PXMP2: variants seen among roughly 807,000 people sequenced by gnomAD.
PXMP2 encodes 22 kDa peroxisomal membrane protein.
Under a neutral mutation model 20.2 loss-of-function variants are expected in PXMP2, and 13 were observed. The ratio of observed to expected loss-of-function variants is 0.64; its 90% CI spans 0.42 to 1.02. PXMP2 has a LOEUF of 1.02. Ranked by LOEUF, PXMP2 falls within the 50% of genes least tolerant of loss-of-function variation. The pLI is 0.00. For synonymous variants in PXMP2, 113 were observed against 111.2 expected (o/e 1.02, Z -0.10); for missense variants, 284 against 251.8 (o/e 1.13, Z -0.87).
chr12:132,698,458 C>G (rs10870492), intron 3 of PXMP2, among the ~76,000 whole-genome samples: 1 of 151,850 alleles, frequency 6.6e-6, no homozygotes, highest in Non-Finnish European at 1.5e-5. Context: ...TGCTTTCCTC[C>G]GGTATTCTTA....
At chr12:132,692,649 G>C (rs867670536) in intron 2 of PXMP2, among the ~76,000 whole-genome samples, 544 of 114,002 alleles carry the variant, frequency 4.8e-3, no homozygotes, top group Middle Eastern at 9.8e-3. Flanking sequence ...CCCTTAGCCA[G>C]TTAGTTAGTG....
At chr12:132,700,988 A>G (rs2043436427) in intron 3 of PXMP2, among the ~76,000 whole-genome samples, 1 of 151,976 alleles carries the variant, frequency 6.6e-6, no homozygotes, top group African/African-American at 2.4e-5. Flanking sequence ...CACCTCCTCC[A>G]GTTGTCCGCA....
chr12:132,698,007 G>A (rs1443833486), intron 3 of PXMP2, among the ~76,000 whole-genome samples: 1 of 148,958 alleles, frequency 6.7e-6, no homozygotes, highest in African/African-American at 2.5e-5. Context: ...TCTGAGACGT[G>A]TCACCTTTTT....
chr12:132,697,491 T>A (rs2043416930), intron 3 of PXMP2, among the ~76,000 whole-genome samples: 1 of 151,942 alleles, frequency 6.6e-6, no homozygotes, highest in African/African-American at 2.4e-5. Context: ...CACTGCAACC[T>A]CTGCCTCCCG....
intron 2 of PXMP2, among the ~76,000 whole-genome samples, chr12:132,693,269 CAGTT>C (rs901704412): frequency 4.5e-5 from 3 of 67,166 alleles, no homozygotes; most frequent in African/African-American, 1.5e-4. Flanking sequence ...GTGCCCTTGC[CAGTT>C]AGTTAAGTGA....
At chr12:132,700,076 G>C (rs1242915648) in intron 3 of PXMP2, among the ~76,000 whole-genome samples, 1 of 137,924 alleles carries the variant, frequency 7.3e-6, no homozygotes, top group African/African-American at 2.7e-5. Context: ...GAGTTTCACT[G>C]TGTCAGCCAG....
At chr12:132,693,766 T>A (rs2043388556) in intron 2 of PXMP2, among the ~76,000 whole-genome samples, 2 of 132,044 alleles carry the variant, frequency 1.5e-5, no homozygotes, top group South Asian at 2.6e-4. Flanking sequence ...AGCCAGTTAG[T>A]TAGTGAGCGC....
chr12:132,695,826 C>T (rs1435567961), intron 2 of PXMP2, 58 bp from the exon 3 acceptor site: 2 of 1,531,612 alleles, frequency 1.3e-6, no homozygotes, highest in Admixed American at 3.9e-5. Context: ...TGAAGCTAGA[C>T]CAGAGAAGAG....
intron 3 of PXMP2, among the ~76,000 whole-genome samples, chr12:132,698,861 A>G (rs908488757): frequency 6.6e-6 from 1 of 152,166 alleles, no homozygotes; most frequent in Non-Finnish European, 1.5e-5. Context: ...TCCTGGCCTC[A>G]AGTGATATGC....
chr12:132,693,568 C>T (rs1274304278), intron 2 of PXMP2, among the ~76,000 whole-genome samples: 2 of 82,160 alleles, frequency 2.4e-5, no homozygotes, highest in South Asian at 4.8e-4. Context: ...AGTTAGTGAG[C>T]GCCCTTGCCA....
intron 3 of PXMP2, among the ~76,000 whole-genome samples, chr12:132,698,187 T>G (rs1433901345): frequency 1.3e-5 from 2 of 152,012 alleles, no homozygotes. Flanking sequence ...TTGTTTTGTG[T>G]TTTTAGTAGA....
In PXMP2 at chr12:132,693,612, C is replaced by T. The variant is rs1460630912; in HGVS notation, c.237-2272C>T. 5.7e-5 allele frequency among the ~76,000 whole-genome samples: 4 copies of T among 70,060 alleles called. 1 individual carries two copies. Among genetic ancestry groups the T allele is most frequent in the Admixed American group, 2.8e-4 (2 of 7,110 alleles). The allele number at this position is 70,060 out of a possible 152,430, so 46.0% of individuals were successfully genotyped here. Reference sequence around the variant, plus strand: ...GCGCCCTTGCCAGTTAGTTAGTGAGCGCCCTTGCCAGTCAGTGAGCGCCCT... The same window carrying T: ...GCGCCCTTGCCAGTTAGTTAGTGAGTGCCCTTGCCAGTCAGTGAGCGCCCT... On this transcript the variant is annotated intron_variant, in intron 2 of 4. Transcript: ENST00000317479.
At chr12:132,703,009 TAAA>T (rs1337169696) in intron 4 of PXMP2, among the ~76,000 whole-genome samples, 1 of 152,124 alleles carries the variant, frequency 6.6e-6, no homozygotes, top group Non-Finnish European at 1.5e-5. Context: ...TAAAGCAAAA[TAAA>T]AAAATTTCCT....
rs200527628 is a variant in PXMP2 at position 132,694,475 on chromosome 12, TA to T, written c.237-1408del. 4.4e-3 allele frequency among the ~76,000 whole-genome samples: 313 copies of T among 71,718 alleles called. 5 individuals are homozygous for T. Among genetic ancestry groups the T allele is most frequent in the Middle Eastern group, 0.017 (2 of 118 alleles). 47.0% of individuals were successfully genotyped at this position (71,718 alleles called of 152,430 possible). On this transcript the variant is annotated intron_variant, in intron 2 of 4. Transcript: ENST00000317479. Reference sequence around the variant, plus strand: ...CCCTTAGCCAGTTAGTGAGCTCCCTTAGCCAGTTAGTTAGTGAGCGCCCTTG... The same window carrying T: ...CCCTTAGCCAGTTAGTGAGCTCCCTTGCCAGTTAGTTAGTGAGCGCCCTTG...
chr12:132,693,046 G>C lies in PXMP2; in HGVS notation c.236+2670G>C, dbSNP rs1325728246. 6.1e-4 allele frequency among the ~76,000 whole-genome samples: 33 copies of C among 54,278 alleles called. 1 individual carries two copies. The highest frequency in any genetic ancestry group is 2.1e-3 in the African/African-American group (32 of 15,242). 35.6% of individuals were successfully genotyped at this position (54,278 alleles called of 152,430 possible). Reference sequence around the variant, plus strand: ...TTAAGTGAGCGCCCTTAGCCAGTTAGATAGTGAGCGCCCTTAGCCAGTTAG... The same window carrying C: ...TTAAGTGAGCGCCCTTAGCCAGTTACATAGTGAGCGCCCTTAGCCAGTTAG... On this transcript the variant is annotated intron_variant, in intron 2 of 4. Coordinates refer to ENST00000317479, the MANE Select transcript of PXMP2 (RefSeq NM_018663.3).
chr12:132,701,420 C>A, intron 4 of PXMP2, 51 bp downstream of exon 4: 1 of 1,539,572 alleles, frequency 6.5e-7, no homozygotes, highest in South Asian at 1.2e-5. Context: ...TCAGCCTTTT[C>A]CTTCCTTCCT....
intron 4 of PXMP2, among the ~76,000 whole-genome samples, chr12:132,703,524 GGAGA>G (rs772965216): frequency 1.3e-5 from 2 of 152,186 alleles, no homozygotes; most frequent in Admixed American, 6.6e-5. Flanking sequence ...TGATGAGAGA[GGAGA>G]GAGAAAGTGA....
intron 4 of PXMP2, among the ~76,000 whole-genome samples, chr12:132,704,100 G>A (rs900779420): frequency 2.0e-5 from 3 of 152,178 alleles, no homozygotes; most frequent in Non-Finnish European, 4.4e-5. Context: ...CAGACACATG[G>A]GCTGCTACTT....
Position 132,701,299 on chromosome 12 carries a change from C to T in PXMP2, c.449C>T (p.Pro150Leu), listed in dbSNP as rs746375161. Residue 150 changes from proline (P) to leucine (L), a missense_variant, in exon 4 of 5, where the codon CCG (proline) becomes CTG (leucine). Physicochemically the swap from Pro to Leu is moderately conservative, Grantham distance 98 (BLOSUM62 -3). Transcript: ENST00000317479. ...GCCAAGATGAGGGGGGGCTTCTGGC[C>T]GGCGCTGAGGATGAACTGGCGGGTG... ...FAAKMRGGFW[P>L]ALRMNWRVWT... 180 of 1,612,710 alleles carry T rather than the reference C, an allele frequency of 1.1e-4. No homozygotes were observed. Among genetic ancestry groups the T allele is most frequent in the Middle Eastern group, 6.7e-4 (4 of 6,010 alleles).
Sources: allele counts gnomAD v4.1 joint callset (sites outside exome capture counted in the v4.1 genomes callset), GRCh38; gene constraint gnomAD v4.1.1; transcripts MANE v1.5; gene names NCBI Gene and HGNC (gene_info 2026-07-23, HGNC 2026-07-21).